PLEKHA2: variants seen among roughly 807,000 people sequenced by gnomAD.
PLEKHA2 encodes pleckstrin homology domain containing A2.
PLEKHA2 carries 28 observed loss-of-function variants against 53.2 expected under a neutral mutation model. The ratio of observed to expected loss-of-function variants is 0.53; its 90% confidence interval spans 0.39 to 0.72. The LOEUF (loss-of-function observed/expected upper bound fraction) is 0.72. PLEKHA2 is among the 30% of genes least tolerant of loss of function. The pLI, the probability that PLEKHA2 is intolerant of heterozygous loss-of-function variation, is 0.00. For missense variants in PLEKHA2, 426 were observed against 537.9 expected (o/e 0.79, Z 2.06); for synonymous variants, 193 against 196.4 (o/e 0.98, Z 0.14).
intron 3 of PLEKHA2, among the ~76,000 whole-genome samples, chr8:38,940,093 T>TAAA (rs71216698): frequency 3.8e-5 from 4 of 106,638 alleles, no homozygotes; most frequent in Non-Finnish European, 5.4e-5. Flanking sequence ...CCCTATCTCT[T>TAAA]AAAAAAAAAA....
At chr8:38,902,986 T>A (rs1833815333) in intron 1 of PLEKHA2, among the ~76,000 whole-genome samples, 1 of 152,346 alleles carries the variant, frequency 6.6e-6, no homozygotes, top group East Asian at 1.9e-4. Flanking sequence ...ATCAGAGGTC[T>A]AGCTTGTAGT....
In PLEKHA2 at chr8:38,944,964, G is replaced by C. The variant is rs138674970; in HGVS notation, c.247+1127G>C. On this transcript the variant is annotated intron_variant, in intron 4 of 11. Transcript: ENST00000617275. ...CTCAGAAAAGATGGAGGACTCAGAG[G>C]AGACGCAGATGGCAGTGCCAGGAAG... Among the ~76,000 whole-genome samples the C allele has an allele frequency of 6.8e-3, 1,040 of 152,324 alleles. 16 individuals carry two copies. Among genetic ancestry groups the C allele is most frequent in the African/African-American group, 0.024 (999 of 41,568 alleles).
At chr8:38,954,948 C>T (rs558467240) in intron 9 of PLEKHA2, among the ~76,000 whole-genome samples, 133 of 152,206 alleles carry the variant, frequency 8.7e-4, no homozygotes, top group Non-Finnish European at 1.6e-3. Flanking sequence ...GCAGGAGAAT[C>T]GCTTGAACCC....
intron 1 of PLEKHA2, among the ~76,000 whole-genome samples, chr8:38,913,955 A>G (rs1262539536): frequency 6.6e-6 from 1 of 152,190 alleles, no homozygotes; most frequent in East Asian, 1.9e-4. Flanking sequence ...CGCAGGTGCC[A>G]TAATGGAAGG....
At chr8:38,914,176 A>G (rs1353460218) in intron 1 of PLEKHA2, among the ~76,000 whole-genome samples, 1 of 151,972 alleles carries the variant, frequency 6.6e-6, no homozygotes, top group Non-Finnish European at 1.5e-5. Context: ...ATCCTTTTGC[A>G]CTGAGTAGCT....
At chr8:38,940,234 C>A (rs760647758) in intron 3 of PLEKHA2, among the ~76,000 whole-genome samples, 3 of 151,866 alleles carry the variant, frequency 2.0e-5, no homozygotes, top group Non-Finnish European at 2.9e-5. Flanking sequence ...CCCATCTCTA[C>A]TAAAAATATA....
Position 38,946,218 on chromosome 8 carries a change from C to A in PLEKHA2, c.342C>A (p.Ile114=). 1 of 1,598,100 alleles carries A rather than the reference C, an allele frequency of 6.3e-7. No homozygotes were observed. Among genetic ancestry groups the A allele is most frequent in the South Asian group, 1.1e-5 (1 of 88,358 alleles). Residue 114 remains isoleucine, a synonymous_variant, in exon 5 of 12, where the codon ATC becomes ATA. Coordinates refer to ENST00000617275, the MANE Select transcript of PLEKHA2 (RefSeq NM_021623.2). ...WVEALNQASK[I]TVPKGGGLPM... Reference sequence around the variant, plus strand: ...AAGCCCTGAACCAAGCCAGCAAGATCACCGTAAGTTTGGTTTCTTCTGTTT... The same window carrying A: ...AAGCCCTGAACCAAGCCAGCAAGATAACCGTAAGTTTGGTTTCTTCTGTTT...
intron 1 of PLEKHA2, chr8:38,901,979 C>T (rs1833793336): frequency 6.6e-6 from 1 of 152,294 alleles, no homozygotes; most frequent in South Asian, 2.1e-4. Context: ...TAGAAGGCTC[C>T]CCTAGGGACT....
At chr8:38,944,989 G>A (rs895466063) in intron 4 of PLEKHA2, among the ~76,000 whole-genome samples, 4 of 152,188 alleles carry the variant, frequency 2.6e-5, no homozygotes, top group Admixed American at 6.5e-5. Context: ...GTGCCAGGAA[G>A]GGGATAAGAC....
chr8:38,928,136 A>G (rs1294354947), intron 2 of PLEKHA2, among the ~76,000 whole-genome samples: 1 of 150,986 alleles, frequency 6.6e-6, no homozygotes, highest in Non-Finnish European at 1.5e-5. Context: ...GAGTTGGCTT[A>G]TTGAGTTTAC....
intron 10 of PLEKHA2, among the ~76,000 whole-genome samples, chr8:38,965,742 C>G (rs111451914): frequency 1.3e-5 from 2 of 152,050 alleles, no homozygotes; most frequent in Non-Finnish European, 2.9e-5. Flanking sequence ...GAGGGCAATG[C>G]GCTTATCTGT....
chr8:38,928,504 C>G (rs1296303680), intron 2 of PLEKHA2, among the ~76,000 whole-genome samples: 2 of 151,958 alleles, frequency 1.3e-5, no homozygotes, highest in Non-Finnish European at 2.9e-5. Context: ...CCGCCTTGGC[C>G]TCCCAAAGTG....
At chr8:38,916,032 A>G (rs1352173051) in intron 1 of PLEKHA2, among the ~76,000 whole-genome samples, 1 of 152,148 alleles carries the variant, frequency 6.6e-6, no homozygotes, top group Non-Finnish European at 1.5e-5. Flanking sequence ...CTGGAGTGCA[A>G]TGGTGTGATC....
intron 4 of PLEKHA2, among the ~76,000 whole-genome samples, chr8:38,945,309 G>A (rs1431246855): frequency 6.6e-6 from 1 of 152,136 alleles, no homozygotes; most frequent in African/African-American, 2.4e-5. Flanking sequence ...ATGTTTCCTA[G>A]CGCATAGTAG....
intron 10 of PLEKHA2, chr8:38,960,720 G>T (rs1446236593): frequency 1.3e-5 from 2 of 152,152 alleles, no homozygotes; most frequent in African/African-American, 4.8e-5. Context: ...GCCTCACACA[G>T]ATGTGTATTT....
intron 2 of PLEKHA2, among the ~76,000 whole-genome samples, chr8:38,930,800 T>C (rs1588249300): frequency 6.6e-6 from 1 of 152,178 alleles, no homozygotes; most frequent in East Asian, 1.9e-4. Flanking sequence ...CGTAGCCTTT[T>C]CTCTCACCAG....
intron 2 of PLEKHA2, among the ~76,000 whole-genome samples, chr8:38,932,496 G>A (rs1834412261): frequency 6.6e-6 from 1 of 152,090 alleles, no homozygotes; most frequent in Admixed American, 6.5e-5. Flanking sequence ...GGACAGCTTG[G>A]GTGGGCTCCC....
At chr8:38,963,403 AT>A (rs1223566841) in intron 10 of PLEKHA2, among the ~76,000 whole-genome samples, 43 of 152,108 alleles carry the variant, frequency 2.8e-4, no homozygotes, top group Non-Finnish European at 5.3e-4. Flanking sequence ...AGCTATATAT[AT>A]TTTTTTAAAC....
At chr8:38,903,099 A>G (rs1833817443) in intron 1 of PLEKHA2, among the ~76,000 whole-genome samples, 1 of 152,280 alleles carries the variant, frequency 6.6e-6, no homozygotes, top group Non-Finnish European at 1.5e-5. Context: ...GCACTTGTCC[A>G]AATGGCAGAG....
Sources: allele counts gnomAD v4.1 joint callset (sites outside exome capture counted in the v4.1 genomes callset), GRCh38; gene constraint gnomAD v4.1.1; transcripts MANE v1.5; gene names NCBI Gene and HGNC (gene_info 2026-07-23, HGNC 2026-07-21).